SNTG1: variants seen among roughly 807,000 people sequenced by gnomAD.
SNTG1 encodes syntrophin gamma 1.
In SNTG1, 39 loss-of-function variants were observed where a neutral mutation model predicts 74.7. The observed-to-expected ratio is 0.52, with a 90% CI of 0.40 to 0.68. The LOEUF is 0.68. SNTG1 is among the 30% of genes least tolerant of loss of function. The pLI, the probability that SNTG1 is intolerant of heterozygous loss-of-function variation, is 0.00. For missense variants in SNTG1, 685 were observed against 609.5 expected (o/e 1.12, Z -1.30); for synonymous variants, 254 against 217.1 (o/e 1.17, Z -1.49).
At chr8:50,765,636 G>A (rs1466380132) in intron 18 of SNTG1, among the ~76,000 whole-genome samples, 2 of 151,806 alleles carry the variant, frequency 1.3e-5, no homozygotes, top group African/African-American at 4.8e-5. Context: ...AACTGTTAAT[G>A]CCATTTTTTA....
intron 9 of SNTG1, among the ~76,000 whole-genome samples, chr8:50,527,161 C>T (rs1563526110): frequency 6.6e-6 from 1 of 151,754 alleles, no homozygotes; most frequent in African/African-American, 2.4e-5. Context: ...AGCTTCTGTT[C>T]AAGACTTTTC....
At chr8:49,966,076 G>A (rs1427470938) in intron 1 of SNTG1, among the ~76,000 whole-genome samples, 1 of 151,956 alleles carries the variant, frequency 6.6e-6, no homozygotes, top group South Asian at 2.1e-4. Flanking sequence ...AATATATCTG[G>A]TTTCTATTTC....
chr8:50,026,786 T>C (rs1376138835), intron 1 of SNTG1, among the ~76,000 whole-genome samples: 1 of 151,972 alleles, frequency 6.6e-6, no homozygotes, highest in Non-Finnish European at 1.5e-5. Flanking sequence ...AAGAGATGGG[T>C]TGTAGATTTT....
intron 8 of SNTG1, among the ~76,000 whole-genome samples, chr8:50,501,425 GTT>G (rs59123896): frequency 0.011 from 613 of 56,944 alleles, 5 homozygotes; most frequent in African/African-American, 0.04. Flanking sequence ...GAGCCTGTGC[GTT>G]TTTTTTTTTT....
At chr8:50,692,928 A>T (rs2095388226) in intron 15 of SNTG1, among the ~76,000 whole-genome samples, 1 of 152,092 alleles carries the variant, frequency 6.6e-6, no homozygotes, top group Non-Finnish European at 1.5e-5. Flanking sequence ...CACTTCATTT[A>T]CCTAATCAAA....
chr8:50,067,648 A>G (rs1223820778), intron 1 of SNTG1, among the ~76,000 whole-genome samples: 1 of 152,152 alleles, frequency 6.6e-6, no homozygotes, highest in Non-Finnish European at 1.5e-5. Context: ...TATTTTTGTT[A>G]GGTACAAACC....
At chr8:50,266,943 G>T (rs1205106226) in intron 2 of SNTG1, among the ~76,000 whole-genome samples, 1 of 151,750 alleles carries the variant, frequency 6.6e-6, no homozygotes, top group Non-Finnish European at 1.5e-5. Flanking sequence ...ACGTTAACAA[G>T]ATCACCACGC....
At chr8:50,743,105 A>C (rs1226038864) in intron 17 of SNTG1, among the ~76,000 whole-genome samples, 1 of 74,794 alleles carries the variant, frequency 1.3e-5, no homozygotes, top group Non-Finnish European at 2.9e-5. Context: ...ATTCTTACCA[A>C]AAAAAAAAAA....
chr8:49,918,912 A>G (rs1806283289), intron 1 of SNTG1, among the ~76,000 whole-genome samples: 3 of 152,220 alleles, frequency 2.0e-5, no homozygotes, highest in Admixed American at 1.3e-4. Context: ...AATAAAAAAT[A>G]TATTTGCAAA....
At chr8:50,426,672 G>C (rs1439811899) in intron 4 of SNTG1, among the ~76,000 whole-genome samples, 1 of 151,786 alleles carries the variant, frequency 6.6e-6, no homozygotes, top group Non-Finnish European at 1.5e-5. Flanking sequence ...AATAAATTTA[G>C]TATAACCTAA....
At chr8:50,419,239 C>G (rs2093051463) in intron 4 of SNTG1, among the ~76,000 whole-genome samples, 1 of 152,084 alleles carries the variant, frequency 6.6e-6, no homozygotes, top group Non-Finnish European at 1.5e-5. Context: ...ATAAATTCTT[C>G]CAAAATAAAT....
chr8:50,528,412 T>C (rs2094239473), intron 9 of SNTG1, among the ~76,000 whole-genome samples: 1 of 151,996 alleles, frequency 6.6e-6, no homozygotes, highest in African/African-American at 2.4e-5. Context: ...AAATATTACA[T>C]ATATGCTTTC....
intron 1 of SNTG1, among the ~76,000 whole-genome samples, chr8:49,929,670 G>A (rs1016065635): frequency 5.3e-5 from 8 of 152,060 alleles, no homozygotes; most frequent in Non-Finnish European, 1.0e-4. Context: ...CCTGAATCAC[G>A]GATTTATGGT....
chr8:50,336,607 A>G (rs1233184141), intron 2 of SNTG1, among the ~76,000 whole-genome samples: 1 of 152,242 alleles, frequency 6.6e-6, no homozygotes. Flanking sequence ...CTTAGGGCAG[A>G]AATTATGTCT....
intron 2 of SNTG1, among the ~76,000 whole-genome samples, chr8:50,343,919 C>A: frequency 6.6e-6 from 1 of 152,004 alleles, no homozygotes; most frequent in East Asian, 1.9e-4. Flanking sequence ...GTGCCTGCTT[C>A]CCAGGCTAGA....
chr8:50,267,370 C>A (rs765998891), intron 2 of SNTG1, among the ~76,000 whole-genome samples: 1 of 152,212 alleles, frequency 6.6e-6, no homozygotes, highest in East Asian at 1.9e-4. Context: ...AGATATTTCT[C>A]CAACAATAGT....
intron 5 of SNTG1, among the ~76,000 whole-genome samples, chr8:50,439,716 CTTTTTTTTT>C (rs60899125): frequency 9.8e-6 from 1 of 102,102 alleles, no homozygotes; most frequent in African/African-American, 3.7e-5. Context: ...TTTTGTTTTG[CTTTTTTTTT>C]TTTTTTTTTG....
At chr8:50,502,616 A>T (rs1413364030) in intron 8 of SNTG1, among the ~76,000 whole-genome samples, 162 bp from the exon 9 acceptor site, 4 of 152,182 alleles carry the variant, frequency 2.6e-5, no homozygotes, top group Non-Finnish European at 5.9e-5. Flanking sequence ...GATGGCTCTT[A>T]CTGCAATGAT....
intron 11 of SNTG1, among the ~76,000 whole-genome samples, chr8:50,551,038 G>A (rs1301128147): frequency 6.6e-6 from 1 of 151,956 alleles, no homozygotes; most frequent in African/African-American, 2.4e-5. Flanking sequence ...AAAGTATTTA[G>A]ATCCACCAAT....
Sources: gnomAD v4.1 joint callset for allele counts (sites outside exome capture counted in the v4.1 genomes callset) on GRCh38, gnomAD v4.1.1 for gene constraint, MANE v1.5 for transcripts, NCBI Gene and HGNC (gene_info 2026-07-23, HGNC 2026-07-21) for gene names.